TLR3: variants seen among roughly 807,000 people sequenced by gnomAD.
TLR3 encodes toll-like receptor 3.
A neutral mutation model predicts 66.4 loss-of-function variants in TLR3; 43 were observed. The ratio of observed to expected loss-of-function variants is 0.65; its 90% CI spans 0.51 to 0.83. TLR3 has a LOEUF of 0.83. TLR3 is among the 40% of genes least tolerant of loss of function. The pLI is 0.00. For synonymous variants in TLR3, 397 were observed against 397.2 expected, an observed-to-expected ratio of 1.00 and a Z score of 0.01; for missense variants, 982 against 1,044.6, an observed-to-expected ratio of 0.94 and a Z score of 0.83.
At chr4:186,078,579 T>C (rs1008170950) in intron 2 of TLR3, among the ~76,000 whole-genome samples, 2 of 152,222 alleles carry the variant, frequency 1.3e-5, no homozygotes, top group Non-Finnish European at 2.9e-5. Flanking sequence ...TTTTTTATTT[T>C]GGTAAGAGAA....
rs2099303889 is a variant in TLR3, at chr4:186,083,588, C to T, written c.1902C>T (p.Phe634=). 6.2e-7 allele frequency: 1 copy of T among 1,612,514 alleles called. No individual in the cohort carries two copies. Among genetic ancestry groups the T allele is most frequent in the Non-Finnish European group, 8.5e-7 (1 of 1,179,548 alleles). ...AGAAGAAGGTTTTCGGGCCAGCTTT[C>T]AGGAACCTGACTGAGTTAGATATGC... ...SVEKKVFGPA[F]RNLTELDMRF... The change falls in exon 4 of 5, where the codon TTC becomes TTT. Residue 634 remains phenylalanine (F), a synonymous_variant. Coordinates refer to ENST00000296795, the MANE Select transcript of TLR3 (RefSeq NM_003265.3). The surrounding 1 kb of genome is among the most constrained non-coding windows in gnomAD (Gnocchi z 4.0).
Position 186,083,786 on chromosome 4 carries a change from C to T in TLR3, c.2100C>T (p.Ala700=), listed in dbSNP as rs1413370034. 6.2e-7 allele frequency: 1 copy of T among 1,613,960 alleles called. No individual in the cohort carries two copies. Among genetic ancestry groups the T allele is most frequent in the Middle Eastern group, 1.7e-4 (1 of 6,060 alleles). The change falls in exon 4 of 5, where the codon GCC becomes GCT. Residue 700 remains alanine (A), a synonymous_variant. Transcript: ENST00000296795. The surrounding 1 kb of genome is among the most constrained non-coding windows in gnomAD (Gnocchi z 4.0). ...LFDTSSCKDS[A]PFELFFMINT... is the part of the protein sequence containing the mutation. ...ATACATCATCTTGCAAAGACAGTGCCCCCTTTGAACTCTTTTTCATGATCA... is the reference window on the plus strand; with the variant it reads ...ATACATCATCTTGCAAAGACAGTGCTCCCTTTGAACTCTTTTTCATGATCA...
rs115602674 is a variant in TLR3 at position 186,087,746 on chromosome 4, A to G, written c.*2873A>G. 6.6e-6 allele frequency: 1 copy of G among 152,318 alleles called. No individual in the cohort carries two copies. The highest frequency in any genetic ancestry group is 2.4e-5 in the African/African-American group (1 of 41,574). 9.4% of individuals were successfully genotyped at this position (152,318 alleles called of 1,614,324 possible). ...CAAATATACATCTAGGTTGTAAAGG[A>G]GACTCAACGGTAAGTTATAGTGACC... On this transcript the variant is annotated 3_prime_UTR_variant, in exon 5 of 5. Coordinates refer to ENST00000296795, the MANE Select transcript of TLR3 (RefSeq NM_003265.3).
chr4:186,076,921 TAA>T lies in TLR3; in HGVS notation c.305_306del (p.Lys102SerfsTer8), dbSNP rs1313684883. On this transcript the variant is annotated frameshift_variant, in exon 2 of 5. Transcript: ENST00000296795. LOFTEE classifies it high-confidence loss of function. ...GAATTGTGCCAGAAACTTCCCATGT[TAA>T]AAGTTTTGAACCTCCAGCACAATGA... 6.2e-7 allele frequency: 1 copy of T among 1,614,092 alleles called. No individual in the cohort carries two copies. Among genetic ancestry groups the T allele is most frequent in the Non-Finnish European group, 8.5e-7 (1 of 1,180,048 alleles).
Position 186,083,765 on chromosome 4 carries a change from A to G in TLR3, c.2079A>G (p.Thr693=). 1 of 1,613,982 alleles carries G rather than the reference A, an allele frequency of 6.2e-7. No individual in the cohort carries two copies. Among genetic ancestry groups the G allele is most frequent in the Non-Finnish European group, 8.5e-7 (1 of 1,179,960 alleles). The change falls in exon 4 of 5, where the codon ACA becomes ACG. Residue 693 remains threonine, a synonymous_variant. Transcript: ENST00000296795. This position sits in a 1 kb window ranked among gnomAD's most constrained non-coding sequence, Gnocchi z 4.0. ...YHGFPVRLFD[T]SSCKDSAPFE... The stretch of plus-strand genomic sequence containing the variant: ...GGTTCCCAGTGAGACTTTTTGATAC[A>G]TCATCTTGCAAAGACAGTGCCCCCT...
chr4:186,085,378 T>C lies in TLR3; in HGVS notation c.*505T>C, dbSNP rs28524783. 69,632 of 153,774 alleles carry C rather than the reference T, an allele frequency of 0.45. 15,958 individuals carry two copies. Among genetic ancestry groups the C allele is most frequent in the East Asian group, 0.54 (2,818 of 5,222 alleles). The allele number at this position is 153,774 out of a possible 1,614,324, so 9.5% of individuals were successfully genotyped here. A position where few individuals can be genotyped will look rare whatever the true frequency, so the allele number is the denominator to read the frequency against. ...GTATTTTAGTAAGTACTTGTCTCAG[T>C]GTTGACTTTGTTAAATGTTAAATAT... On this transcript the variant is annotated 3_prime_UTR_variant, in exon 5 of 5. Transcript: ENST00000296795.
chr4:186,074,973 A>G (rs1457872624), intron 1 of TLR3, among the ~76,000 whole-genome samples: 1 of 152,112 alleles, frequency 6.6e-6, no homozygotes, highest in African/African-American at 2.4e-5. Context: ...TTATGACAAC[A>G]GTGCCTTCTT....
chr4:186,075,840 T>C (rs1300801305), intron 1 of TLR3, among the ~76,000 whole-genome samples: 1 of 152,060 alleles, frequency 6.6e-6, no homozygotes, highest in African/African-American at 2.4e-5. Flanking sequence ...AAGAAAAATG[T>C]ATTTATTTAT....
rs2150067766 is a variant in TLR3, at chr4:186,082,693, A to G, written c.1007A>G (p.Gln336Arg). 2.5e-6 allele frequency: 4 copies of G among 1,614,098 alleles called. No homozygotes were observed. The highest frequency in any genetic ancestry group is 1.1e-5 in the South Asian group (1 of 91,084). Residue 336 changes from glutamine (Q) to arginine (R), a missense_variant, in exon 4 of 5, where the codon CAA becomes CGA. This residue lies in a region of TLR3 where 666 missense variants were observed against 709.0 expected (regional missense o/e 0.94). Coordinates refer to ENST00000296795, the MANE Select transcript of TLR3 (RefSeq NM_003265.3). ...AATTTGAAACGGTCTTTTACTAAAC[A>G]AAGTATTTCCCTTGCCTCACTCCCC... ...YLNLKRSFTK[Q>R]SISLASLPKI...
rs1315042034 is a variant in TLR3 at position 186,083,001 on chromosome 4, G to A, written c.1315G>A (p.Gly439Ser). 2 of 1,614,096 alleles carry A rather than the reference G, an allele frequency of 1.2e-6. No homozygotes were observed. The highest frequency in any genetic ancestry group is 1.7e-5 in the Admixed American group (1 of 60,016). ...GGGCCACCTAGAAGTACTTGACCTG[G>A]GCCTTAATGAAATTGGGCAAGAACT... ...WLGHLEVLDL[G>S]LNEIGQELTG... Residue 439 changes from glycine (G) to serine (S), a missense_variant, in exon 4 of 5, where the codon GGC (glycine) becomes AGC (serine). Around this residue, in one of 3 missense-constraint regions of TLR3, gnomAD observed 666 missense variants for 709.0 expected, o/e 0.94. Transcript: ENST00000296795. This position sits in a 1 kb window ranked among gnomAD's most constrained non-coding sequence, Gnocchi z 4.0.
At chr4:186,073,126 A>G (rs938124944) in intron 1 of TLR3, among the ~76,000 whole-genome samples, 1 of 152,224 alleles carries the variant, frequency 6.6e-6, no homozygotes, top group Non-Finnish European at 1.5e-5. Flanking sequence ...TCAGTGGAAG[A>G]GAGTAGACAG....
intron 1 of TLR3, 35 bp from the exon 2 acceptor site, chr4:186,076,578 T>A: frequency 6.2e-7 from 1 of 1,600,094 alleles, no homozygotes; most frequent in Non-Finnish European, 8.6e-7. Context: ...CTGCTATTAA[T>A]GTTGCTCATA....
intron 1 of TLR3, among the ~76,000 whole-genome samples, chr4:186,070,895 G>A (rs998468336): frequency 1.3e-5 from 2 of 151,406 alleles, no homozygotes; most frequent in African/African-American, 4.9e-5. Context: ...TTGTAGATAC[G>A]GGGTCTCACT....
At chr4:186,074,698 G>GTAA (rs1279653062) in intron 1 of TLR3, among the ~76,000 whole-genome samples, 1 of 152,096 alleles carries the variant, frequency 6.6e-6, no homozygotes, top group African/African-American at 2.4e-5. Context: ...TTTGACTCGT[G>GTAA]TAATAATGCT....
chr4:186,083,279 A>G lies in TLR3; in HGVS notation c.1593A>G (p.Lys531=). The change falls in exon 4 of 5, where the codon AAA becomes AAG. Residue 531 remains lysine, a synonymous_variant. Transcript: ENST00000296795. This position sits in a 1 kb window ranked among gnomAD's most constrained non-coding sequence, Gnocchi z 4.0. The stretch of plus-strand genomic sequence containing the variant: ...ATGACATGTTGGAGGGTCTTGAGAA[A>G]CTAGAAATTCTCGATTTGCAGCATA... ...INDDMLEGLE[K]LEILDLQHNN... 1 of 1,614,186 alleles carries G rather than the reference A, an allele frequency of 6.2e-7. No homozygotes were observed. The highest frequency in any genetic ancestry group is 1.1e-5 in the South Asian group (1 of 91,080).
rs990805703 is a variant in TLR3 at position 186,087,290 on chromosome 4, T to G, written c.*2417T>G. 2 of 152,198 alleles carry G rather than the reference T, an allele frequency of 1.3e-5. No homozygotes were observed. Among genetic ancestry groups the G allele is most frequent in the Admixed American group, 6.5e-5 (1 of 15,280 alleles). The allele number at this position is 152,198 out of a possible 1,614,324, so 9.4% of individuals were successfully genotyped here. On this transcript the variant is annotated 3_prime_UTR_variant, in exon 5 of 5. Transcript: ENST00000296795. The stretch of plus-strand genomic sequence containing the variant: ...GCACAGGTAATGACCTCTAAATGAA[T>G]GCCAATAAAAATAGTAAAAGGTGTA...
chr4:186,074,429 AC>A (rs1453620710), intron 1 of TLR3, among the ~76,000 whole-genome samples: 1 of 152,198 alleles, frequency 6.6e-6, no homozygotes, highest in African/African-American at 2.4e-5. Flanking sequence ...AAAATGTGGT[AC>A]AAAAGGTTAC....
At chr4:186,071,785 T>A (rs1047854766) in intron 1 of TLR3, among the ~76,000 whole-genome samples, 6 of 152,236 alleles carry the variant, frequency 3.9e-5, no homozygotes, top group Non-Finnish European at 1.5e-5. Flanking sequence ...TTAGTTCTGT[T>A]TTCCTAGGAT....
At position 186,083,807 on chromosome 4, in the gene TLR3, G is replaced by T; in HGVS notation, c.2121G>T (p.Met707Ile). The stretch of plus-strand genomic sequence containing the variant: ...GTGCCCCCTTTGAACTCTTTTTCAT[G>T]ATCAATACCAGTATCCTGTTGATTT... The part of the protein sequence containing the change: ...KDSAPFELFF[M>I]INTSILLIFI... Residue 707 changes from methionine (M) to isoleucine (I), a missense_variant, in exon 4 of 5, where the codon ATG becomes ATT. Around this residue, in one of 3 missense-constraint regions of TLR3, gnomAD observed 666 missense variants for 709.0 expected, o/e 0.94. Transcript: ENST00000296795. This position sits in a 1 kb window ranked among gnomAD's most constrained non-coding sequence, Gnocchi z 4.0. The T allele has an allele frequency of 1.2e-6, 2 of 1,613,796 alleles. No individual in the cohort carries two copies. The highest frequency in any genetic ancestry group is 1.7e-6 in the Non-Finnish European group (2 of 1,179,944).
Sources: allele counts gnomAD v4.1 joint callset (sites outside exome capture counted in the v4.1 genomes callset), GRCh38; gene constraint gnomAD v4.1.1; regional missense constraint gnomAD v4.1.1; non-coding constraint Gnocchi (gnomAD v3.1); transcripts MANE v1.5; gene names NCBI Gene and HGNC (gene_info 2026-07-23, HGNC 2026-07-21).